NUP37: variants seen among roughly 807,000 people sequenced by gnomAD.
NUP37 encodes the protein nucleoporin Nup37.
In NUP37, 33 loss-of-function variants were observed where a neutral mutation model predicts 45.4. The ratio of observed to expected loss-of-function variants is 0.73; its 90% CI spans 0.55 to 0.97. NUP37 has a LOEUF of 0.97. Among genes scored for constraint, NUP37 ranks in the 50% least tolerant of loss-of-function variants. NUP37 has a pLI of 0.00. For missense variants in NUP37, 365 were observed against 389.7 expected (o/e 0.94, Z 0.53); for synonymous variants, 127 against 130.7 (o/e 0.97, Z 0.19).
Position 102,073,595 on chromosome 12 carries a change from C to A in NUP37, c.*759G>T, listed in dbSNP as rs1879089652. ...TATAATCAATCACATATTTAAGAAA[C>A]TGAAAACAATTTTTTACATTAAATT... On this transcript the variant is annotated 3_prime_UTR_variant, in exon 10 of 10. Coordinates refer to ENST00000552283, the MANE Select transcript of NUP37 (RefSeq NM_024057.4). 6.6e-6 allele frequency: 1 copy of A among 152,148 alleles called. No homozygotes were observed. The allele number at this position is 152,148 out of a possible 1,614,324, so 9.4% of individuals were successfully genotyped here.
chr12:102,092,654 GT>G (rs1442183806), intron 5 of NUP37, among the ~76,000 whole-genome samples: 2 of 152,154 alleles, frequency 1.3e-5, no homozygotes, highest in African/African-American at 4.8e-5. Context: ...AAAATATCTG[GT>G]TTTAAGTGCA....
chr12:102,095,621 T>C (rs1879781270), intron 5 of NUP37, among the ~76,000 whole-genome samples: 1 of 152,106 alleles, frequency 6.6e-6, no homozygotes, highest in Non-Finnish European at 1.5e-5. Flanking sequence ...ATGGCACCTT[T>C]TTCATAAAGA....
In NUP37 at chr12:102,075,699, G is replaced by A. The variant is rs150772316; in HGVS notation, c.774-605C>T. On this transcript the variant is annotated intron_variant, in intron 8 of 9. Coordinates refer to ENST00000552283, the MANE Select transcript of NUP37 (RefSeq NM_024057.4). ...TTTTCACAACCAAAGGGGTAATAGT[G>A]TGGTAGAAGAAACAAATAAGGCATC... Among the ~76,000 whole-genome samples the A allele has an allele frequency of 5.9e-3, 894 of 152,142 alleles. 11 individuals carry two copies. Among genetic ancestry groups the A allele is most frequent in the African/African-American group, 0.02 (838 of 41,506 alleles).
intron 5 of NUP37, among the ~76,000 whole-genome samples, chr12:102,095,782 A>C (rs1456344172): frequency 6.6e-6 from 1 of 152,028 alleles, no homozygotes; most frequent in Non-Finnish European, 1.5e-5. Context: ...TATTTCTCTA[A>C]TGAGATTTAA....
At chr12:102,083,537 C>A (rs572847104) in intron 6 of NUP37, among the ~76,000 whole-genome samples, 1 of 152,172 alleles carries the variant, frequency 6.6e-6, no homozygotes, top group South Asian at 2.1e-4. Flanking sequence ...CATCATTCTA[C>A]TTAATAGATT....
At chr12:102,118,611 C>G in intron 1 of NUP37, 28 bp from the exon 2 acceptor site, 2 of 1,098,858 alleles carry the variant, frequency 1.8e-6, no homozygotes, top group Non-Finnish European at 2.6e-6. Context: ...GGTACAATTA[C>G]AATGGTCAAT....
chr12:102,118,695 T>C (rs113857973), intron 1 of NUP37, 112 bp from the exon 2 acceptor site: 12 of 551,646 alleles, frequency 2.2e-5, no homozygotes, highest in South Asian at 2.0e-4. Context: ...AAAAGAAACA[T>C]TTAAAGTACT....
chr12:102,115,697 G>A (rs184172564), intron 2 of NUP37: 10 of 326,252 alleles, frequency 3.1e-5, no homozygotes, highest in Admixed American at 6.5e-5. Context: ...TCTGAAAAAT[G>A]CTTTATTGAA....
chr12:102,101,843 G>C (rs1242181146), intron 3 of NUP37, among the ~76,000 whole-genome samples: 1 of 151,932 alleles, frequency 6.6e-6, no homozygotes, highest in Non-Finnish European at 1.5e-5. Flanking sequence ...TCCTACCTCA[G>C]CCTCCCAAGT....
intron 4 of NUP37, among the ~76,000 whole-genome samples, chr12:102,099,481 G>C (rs963824651): frequency 1.3e-5 from 2 of 151,790 alleles, no homozygotes. Context: ...CATTTTTATT[G>C]TACCTGTCCT....
intron 1 of NUP37, 63 bp from the exon 2 acceptor site, chr12:102,118,646 CA>C: frequency 1.3e-6 from 1 of 750,394 alleles, no homozygotes; most frequent in Non-Finnish European, 2.1e-6. Context: ...GCAAATGCAT[CA>C]AAATAAGGTT....
At chr12:102,089,946 C>A (rs1879600258) in intron 5 of NUP37, among the ~76,000 whole-genome samples, 1 of 152,070 alleles carries the variant, frequency 6.6e-6, no homozygotes, top group Non-Finnish European at 1.5e-5. Context: ...AATATAGATA[C>A]CCACATACGA....
At chr12:102,088,709 T>C (rs201252968) in intron 5 of NUP37, among the ~76,000 whole-genome samples, 11 of 141,126 alleles carry the variant, frequency 7.8e-5, no homozygotes, top group East Asian at 7.6e-4. Flanking sequence ...TTTAATTTTT[T>C]TTTTTTTTTT....
At chr12:102,109,421 TACAG>T (rs1880251360) in intron 3 of NUP37, among the ~76,000 whole-genome samples, 2 of 152,094 alleles carry the variant, frequency 1.3e-5, no homozygotes, top group African/African-American at 2.4e-5. Context: ...GTAAAGAAAG[TACAG>T]AGAGTTACTA....
intron 6 of NUP37, among the ~76,000 whole-genome samples, chr12:102,083,857 A>G (rs1341097122): frequency 6.6e-6 from 1 of 152,248 alleles, no homozygotes; most frequent in African/African-American, 2.4e-5. Context: ...ATAAGAATGA[A>G]GGAAAAGGCC....
At chr12:102,118,224 CATCTTTCTCTAT>C in intron 2 of NUP37, 127 bp downstream of exon 2, 1 of 825,086 alleles carries the variant, frequency 1.2e-6, no homozygotes, top group South Asian at 2.0e-5. Flanking sequence ...TAACTGGGAA[CATCTTTCTCTAT>C]GGATCTTATC....
At chr12:102,079,473 T>A in intron 6 of NUP37, among the ~76,000 whole-genome samples, 1 of 152,140 alleles carries the variant, frequency 6.6e-6, no homozygotes, top group South Asian at 2.1e-4. Context: ...ACTGGGGAAA[T>A]ACACAGTTAG....
rs1880525124 is a variant in NUP37 at position 102,118,248 on chromosome 12, T to C, written c.156+115A>G. 11 of 946,728 alleles carry C rather than the reference T, an allele frequency of 1.2e-5. 1 individual carries two copies. In the South Asian group the frequency reaches 2.0e-4, roughly 17 times the overall value. The allele number at this position is 946,728 out of a possible 1,614,324, so 58.6% of individuals were successfully genotyped here. ...ACATCTTTCTCTATGGATCTTATCTTTTTTTTTTTTAACATTCAAACTCAA... is the reference window on the plus strand; with the variant it reads ...ACATCTTTCTCTATGGATCTTATCTCTTTTTTTTTTAACATTCAAACTCAA... On this transcript the variant is annotated intron_variant, in intron 2 of 9. Coordinates refer to ENST00000552283, the MANE Select transcript of NUP37 (RefSeq NM_024057.4).
At chr12:102,113,291 G>A (rs934987149) in intron 2 of NUP37, among the ~76,000 whole-genome samples, 1 of 152,140 alleles carries the variant, frequency 6.6e-6, no homozygotes, top group African/African-American at 2.4e-5. Context: ...TCCAGGGCCC[G>A]ATTAAGGGGA....
Sources: gnomAD v4.1 joint callset for allele counts (sites outside exome capture counted in the v4.1 genomes callset) on GRCh38, gnomAD v4.1.1 for gene constraint, MANE v1.5 for transcripts, NCBI Gene and HGNC (gene_info 2026-07-23, HGNC 2026-07-21) for gene names.